The following TENM3 variants were observed in gnomAD, a reference collection of about 807,000 sequenced individuals.
The protein encoded by TENM3 is teneurin transmembrane protein 3, also known as teneurin-3.
In TENM3, 63 loss-of-function variants were observed where a neutral mutation model predicts 255.1. The observed-to-expected ratio is 0.25, with a 90% confidence interval of 0.20 to 0.30. TENM3 has a LOEUF of 0.30. Among genes scored for constraint, TENM3 ranks in the 10% least tolerant of loss-of-function variants. TENM3 has a pLI of 1.00. For missense variants in TENM3, 2,929 were observed against 3,461.1 expected, an observed-to-expected ratio of 0.85 and a Z score of 3.86; for synonymous variants, 1,306 against 1,322.3, an observed-to-expected ratio of 0.99 and a Z score of 0.27.
the TENM3 span, among the ~76,000 whole-genome samples, chr4:181,985,090 C>G: frequency 3.3e-5 from 5 of 151,768 alleles, no homozygotes; most frequent in African/African-American, 1.2e-4. Flanking sequence ...GACTCTTCAC[C>G]TGAATTGTAG....
the TENM3 span, among the ~76,000 whole-genome samples, chr4:182,002,507 T>C: frequency 7.1e-3 from 1,082 of 152,168 alleles, 13 homozygotes; most frequent in African/African-American, 0.024. Flanking sequence ...GAACTCCACA[T>C]TCTCGGTTGG....
chr4:182,716,544 G>T (rs781280417), intron 13 of TENM3, among the ~76,000 whole-genome samples: 12 of 152,170 alleles, frequency 7.9e-5, no homozygotes, highest in Non-Finnish European at 1.6e-4. Flanking sequence ...TTTTAAGAAG[G>T]AATCTCAGTG....
At chr4:181,733,754 C>T in the TENM3 span, among the ~76,000 whole-genome samples, 5 of 152,114 alleles carry the variant, frequency 3.3e-5, no homozygotes, top group East Asian at 3.9e-4. Flanking sequence ...TTAGAGTCCC[C>T]GGAAGAGGGA....
the TENM3 span, among the ~76,000 whole-genome samples, chr4:182,034,096 C>T: frequency 3.3e-5 from 5 of 152,166 alleles, no homozygotes; most frequent in African/African-American, 2.4e-5. Flanking sequence ...GCGTGTTGTA[C>T]ATGGCAGCAA....
chr4:181,887,583 C>T, the TENM3 span, among the ~76,000 whole-genome samples: 2 of 152,160 alleles, frequency 1.3e-5, no homozygotes, highest in Non-Finnish European at 2.9e-5. Flanking sequence ...GCAACCACAA[C>T]TGTTTAAAAT....
chr4:181,953,763 A>AT, the TENM3 span, among the ~76,000 whole-genome samples: 2 of 152,150 alleles, frequency 1.3e-5, no homozygotes, highest in African/African-American at 2.4e-5. Context: ...TCAGGATTGT[A>AT]TTTTTTTAAT....
At chr4:182,661,695 G>T (rs1054109432) in intron 6 of TENM3, among the ~76,000 whole-genome samples, 1 of 152,184 alleles carries the variant, frequency 6.6e-6, no homozygotes, top group Non-Finnish European at 1.5e-5. Context: ...GCCAGGGTAT[G>T]AATCCAAGGT....
intron 3 of TENM3, among the ~76,000 whole-genome samples, chr4:182,514,075 C>T (rs1737689405): frequency 1.3e-5 from 2 of 152,230 alleles, no homozygotes; most frequent in African/African-American, 2.4e-5. Flanking sequence ...CCTGTTGGGG[C>T]GGCATGCCCC....
At chr4:182,404,176 A>G (rs1399200628) in intron 3 of TENM3, among the ~76,000 whole-genome samples, 2 of 152,190 alleles carry the variant, frequency 1.3e-5, no homozygotes, top group Non-Finnish European at 2.9e-5. Flanking sequence ...TAAAATAAGA[A>G]TAACCACAGC....
At chr4:181,519,493 C>T in the TENM3 span, among the ~76,000 whole-genome samples, 15 of 151,978 alleles carry the variant, frequency 9.9e-5, no homozygotes, top group African/African-American at 3.1e-4. Context: ...TTTTATTCCC[C>T]ATTACTGTTT....
At chr4:181,929,541 A>C in the TENM3 span, among the ~76,000 whole-genome samples, 1 of 152,224 alleles carries the variant, frequency 6.6e-6, no homozygotes, top group Non-Finnish European at 1.5e-5. Context: ...GAAAGTGCTT[A>C]GAGAACTACA....
intron 3 of TENM3, among the ~76,000 whole-genome samples, chr4:182,573,026 C>A (rs1744560977): frequency 6.6e-6 from 1 of 152,186 alleles, no homozygotes; most frequent in African/African-American, 2.4e-5. Context: ...GTTTATTGAT[C>A]ATCTACCATC....
chr4:181,581,465 A>ACAAAT, the TENM3 span, among the ~76,000 whole-genome samples: 2 of 151,894 alleles, frequency 1.3e-5, no homozygotes, highest in African/African-American at 4.8e-5. Flanking sequence ...ACAAAACAAA[A>ACAAAT]CAAACACCCA....
intron 13 of TENM3, among the ~76,000 whole-genome samples, chr4:182,719,215 A>G (rs1759454194): frequency 6.7e-6 from 1 of 149,510 alleles, no homozygotes; most frequent in Non-Finnish European, 1.5e-5. Context: ...GCCAAGAATA[A>G]TACATATTAC....
the TENM3 span, among the ~76,000 whole-genome samples, chr4:182,077,850 C>T: frequency 6.6e-6 from 1 of 152,078 alleles, no homozygotes; most frequent in Non-Finnish European, 1.5e-5. Flanking sequence ...GGGCGTGGCA[C>T]CATCCTTGCA....
intron 1 of TENM3, among the ~76,000 whole-genome samples, chr4:182,177,952 G>GTTT (rs1273933836): frequency 2.7e-5 from 2 of 75,182 alleles, no homozygotes; most frequent in African/African-American, 1.1e-4. Flanking sequence ...ATATGTTTTG[G>GTTT]TTTTTGTTTT....
the TENM3 span, among the ~76,000 whole-genome samples, chr4:181,726,275 T>G: frequency 5.3e-5 from 8 of 152,062 alleles, no homozygotes; most frequent in Non-Finnish European, 1.0e-4. Flanking sequence ...TCAAAATGAG[T>G]AGAAGAACAC....
the TENM3 span, among the ~76,000 whole-genome samples, chr4:182,029,414 A>G: frequency 1.2e-4 from 19 of 152,206 alleles, no homozygotes; most frequent in African/African-American, 2.7e-4. Flanking sequence ...ACATCTGTCA[A>G]TGCTGAAAGT....
the TENM3 span, among the ~76,000 whole-genome samples, chr4:181,798,817 G>A: frequency 3.3e-5 from 5 of 152,072 alleles, no homozygotes; most frequent in Non-Finnish European, 7.4e-5. Context: ...TTTTCTGCTG[G>A]GCTAATAAAA....
Sources: gnomAD v4.1 joint callset for allele counts (sites outside exome capture counted in the v4.1 genomes callset) on GRCh38, gnomAD v4.1.1 for gene constraint, MANE v1.5 for transcripts, NCBI Gene and HGNC (gene_info 2026-07-23, HGNC 2026-07-21) for gene names.